The following LINGO2 variants were observed in gnomAD, a reference collection of about 807,000 sequenced individuals.
LINGO2 encodes leucine-rich repeat and immunoglobulin-like domain-containing nogo receptor-interacting protein 2.
A neutral mutation model predicts 30.6 loss-of-function variants in LINGO2; 14 were observed. That is an observed-to-expected ratio of 0.46 (90% CI 0.30 to 0.72). LINGO2 has a LOEUF of 0.72. Ranked by LOEUF, LINGO2 falls within the 30% of genes least tolerant of loss-of-function variation. The pLI is 0.07. For missense variants in LINGO2, 729 were observed against 751.7 expected (o/e 0.97, Z 0.35); for synonymous variants, 317 against 288.5 (o/e 1.10, Z -1.00).
At chr9:28,580,614 T>G (rs1387048194) in intron 1 of LINGO2, among the ~76,000 whole-genome samples, 1 of 152,044 alleles carries the variant, frequency 6.6e-6, no homozygotes, top group Admixed American at 6.6e-5. Context: ...AGAAATGGAA[T>G]GTTGTATGGT....
intron 5 of LINGO2, among the ~76,000 whole-genome samples, chr9:27,999,849 T>C (rs1183707512): frequency 6.6e-6 from 1 of 152,122 alleles, no homozygotes; most frequent in Non-Finnish European, 1.5e-5. Context: ...ATGGCACATG[T>C]ATGCCATTAA....
chr9:28,932,909 T>TATG, the LINGO2 span, among the ~76,000 whole-genome samples: 1 of 151,472 alleles, frequency 6.6e-6, no homozygotes, highest in East Asian at 1.9e-4. Flanking sequence ...ATTATATTAT[T>TATG]ATTATTATTA....
chr9:28,561,749 G>GTGTGTGTATATATATATA (rs772157537), intron 1 of LINGO2, among the ~76,000 whole-genome samples: 7 of 48,754 alleles, frequency 1.4e-4, no homozygotes, highest in Non-Finnish European at 2.2e-4. Context: ...GTGTGTGTGT[G>GTGTGTGTATATATATATA]TATATATATA....
intron 1 of LINGO2, among the ~76,000 whole-genome samples, chr9:28,625,532 A>G (rs1043397290): frequency 6.6e-6 from 1 of 152,074 alleles, no homozygotes; most frequent in African/African-American, 2.4e-5. Flanking sequence ...TGCAGGGGGA[A>G]TTATTGGTTG....
chr9:28,904,843 A>G, the LINGO2 span, among the ~76,000 whole-genome samples: 1 of 152,048 alleles, frequency 6.6e-6, no homozygotes, highest in Admixed American at 6.6e-5. Context: ...AAAAATACTA[A>G]AATTTGTATG....
chr9:28,983,370 C>A, the LINGO2 span, among the ~76,000 whole-genome samples: 2 of 148,174 alleles, frequency 1.3e-5, no homozygotes, highest in African/African-American at 2.5e-5. Flanking sequence ...TGCTTTCCAT[C>A]AGCAATGCTG....
At chr9:29,163,007 C>T in the LINGO2 span, among the ~76,000 whole-genome samples, 3 of 152,120 alleles carry the variant, frequency 2.0e-5, no homozygotes, top group Non-Finnish European at 4.4e-5. Context: ...GAAAGAGAGA[C>T]TGAACATTAC....
At chr9:28,949,860 A>G in the LINGO2 span, among the ~76,000 whole-genome samples, 1 of 152,124 alleles carries the variant, frequency 6.6e-6, no homozygotes, top group Non-Finnish European at 1.5e-5. Context: ...TTGTTCATCA[A>G]TATTGATGCA....
At chr9:28,571,351 T>G (rs1346487615) in intron 1 of LINGO2, among the ~76,000 whole-genome samples, 1 of 152,054 alleles carries the variant, frequency 6.6e-6, no homozygotes, top group Non-Finnish European at 1.5e-5. Context: ...CATATACATG[T>G]TTAATTACTG....
chr9:28,847,231 G>A, the LINGO2 span, among the ~76,000 whole-genome samples: 1 of 148,298 alleles, frequency 6.7e-6, no homozygotes, highest in East Asian at 2.0e-4. Flanking sequence ...AGGCCTACAG[G>A]CCTTGGTAGG....
chr9:29,190,195 A>T, the LINGO2 span, among the ~76,000 whole-genome samples: 1 of 152,240 alleles, frequency 6.6e-6, no homozygotes, highest in Non-Finnish European at 1.5e-5. Context: ...GTCAGTGTTG[A>T]ATCATAATCT....
intron 4 of LINGO2, among the ~76,000 whole-genome samples, chr9:28,231,389 C>A (rs997626938): frequency 5.9e-5 from 9 of 151,708 alleles, no homozygotes; most frequent in Non-Finnish European, 1.2e-4. Flanking sequence ...TTTTTTGGAG[C>A]AGTGTGGGAA....
At chr9:29,139,859 C>A in the LINGO2 span, among the ~76,000 whole-genome samples, 1 of 151,930 alleles carries the variant, frequency 6.6e-6, no homozygotes, top group African/African-American at 2.4e-5. Flanking sequence ...TGTGAGAAAG[C>A]TGATTGGGGA....
At chr9:29,018,744 A>G in the LINGO2 span, among the ~76,000 whole-genome samples, 6 of 147,206 alleles carry the variant, frequency 4.1e-5, no homozygotes, top group Non-Finnish European at 7.7e-5. Flanking sequence ...TATTACTTAG[A>G]TCTGAACGAA....
At chr9:28,776,474 T>C in the LINGO2 span, among the ~76,000 whole-genome samples, 1 of 152,230 alleles carries the variant, frequency 6.6e-6, no homozygotes. Flanking sequence ...GCAGAAAGTT[T>C]ACTCAAATTC....
chr9:28,882,396 G>T, the LINGO2 span, among the ~76,000 whole-genome samples: 1 of 152,084 alleles, frequency 6.6e-6, no homozygotes, highest in Admixed American at 6.6e-5. Context: ...TAGTATATCA[G>T]GATTATTGAG....
intron 4 of LINGO2, among the ~76,000 whole-genome samples, chr9:28,111,198 C>T (rs1826774282): frequency 6.6e-6 from 1 of 151,930 alleles, no homozygotes; most frequent in South Asian, 2.1e-4. Flanking sequence ...AGAACACATG[C>T]ACACAGGGAG....
At chr9:28,714,013 G>T in the LINGO2 span, among the ~76,000 whole-genome samples, 1 of 151,700 alleles carries the variant, frequency 6.6e-6, no homozygotes, top group Non-Finnish European at 1.5e-5. Context: ...GAAAAATTTA[G>T]CCGGGCCTGG....
At chr9:28,652,752 G>A (rs1352155303) in intron 1 of LINGO2, among the ~76,000 whole-genome samples, 1 of 151,932 alleles carries the variant, frequency 6.6e-6, no homozygotes, top group African/African-American at 2.4e-5. Flanking sequence ...TAGATTAAAG[G>A]CATCCATGTA....
Sources: gnomAD v4.1 joint callset for allele counts (sites outside exome capture counted in the v4.1 genomes callset) on GRCh38, gnomAD v4.1.1 for gene constraint, MANE v1.5 for transcripts, NCBI Gene and HGNC (gene_info 2026-07-23, HGNC 2026-07-21) for gene names.